Variants in DBF4B observed in about 807,000 individuals in gnomAD.
DBF4B encodes DBF4B-CDC7 kinase regulatory subunit, also known as protein DBF4 homolog B.
In DBF4B, 49 loss-of-function variants were observed where a neutral mutation model predicts 53.4. The observed-to-expected ratio is 0.92, with a 90% CI of 0.73 to 1.16. The LOEUF is 1.16. DBF4B is among the 50% of genes most tolerant of loss of function. DBF4B has a pLI of 0.00. For missense variants in DBF4B, 692 were observed against 775.0 expected (o/e 0.89, Z 1.27); for synonymous variants, 257 against 288.7 (o/e 0.89, Z 1.11).
chr17:44,709,581 A>G (rs1206817311), intron 2 of DBF4B, among the ~76,000 whole-genome samples: 1 of 152,120 alleles, frequency 6.6e-6, no homozygotes, highest in Non-Finnish European at 1.5e-5. Flanking sequence ...TAGGCCTCCC[A>G]AAATGCTGGG....
intron 13 of DBF4B, 86 bp from the exon 14 acceptor site, chr17:44,750,509 C>T: frequency 2.6e-6 from 4 of 1,510,028 alleles, no homozygotes; most frequent in Non-Finnish European, 1.8e-6. Flanking sequence ...AATTTTGGTT[C>T]AGGAAATGTA....
intron 13 of DBF4B, 108 bp downstream of exon 13, chr17:44,748,573 T>C: frequency 6.4e-7 from 1 of 1,555,864 alleles, no homozygotes; most frequent in Non-Finnish European, 8.7e-7. Context: ...CCTGGGGGTG[T>C]CAGTTGATGT....
chr17:44,729,320 G>C (rs1488761698), intron 3 of DBF4B, among the ~76,000 whole-genome samples: 1 of 149,592 alleles, frequency 6.7e-6, no homozygotes, highest in African/African-American at 2.5e-5. Context: ...TCCTGCCTCA[G>C]ACTCCCAAGT....
Position 44,751,572 on chromosome 17 carries a change from C to T in DBF4B, c.*319C>T. 1 of 1,338,100 alleles carries T rather than the reference C, an allele frequency of 7.5e-7. No individual in the cohort carries two copies. 82.9% of individuals were successfully genotyped at this position (1,338,100 alleles called of 1,614,324 possible). On this transcript the variant is annotated 3_prime_UTR_variant, in exon 14 of 14. Transcript: ENST00000315005. The stretch of plus-strand genomic sequence containing the variant: ...TTCCTTCTCAGACTTGCCACCTTTC[C>T]CCTCTGCCCCAAAATGCCATGCTCC...
At position 44,730,058 on chromosome 17, in the gene DBF4B, G is replaced by C. The variant is rs1249938175; in HGVS notation, c.379G>C (p.Gly127Arg). 5.6e-6 allele frequency: 9 copies of C among 1,612,776 alleles called. No homozygotes were observed. The highest frequency in any genetic ancestry group is 7.6e-6 in the Non-Finnish European group (9 of 1,180,032). ...VETSAMVDPKGSHPRPSRKPV... is the reference protein window; with the variant it reads ...VETSAMVDPKRSHPRPSRKPV... Reference sequence around the variant, plus strand: ...AACATCGGCCATGGTTGATCCAAAAGGCAGCCACCCCAGGCCTTCACGGAA... The same window carrying C: ...AACATCGGCCATGGTTGATCCAAAACGCAGCCACCCCAGGCCTTCACGGAA... Residue 127 changes from glycine to arginine, a missense_variant, in exon 4 of 14, where the codon GGC becomes CGC. By Grantham distance (125) the Gly-to-Arg change is moderately radical. This residue lies in a region of DBF4B where 597 missense variants were observed against 665.8 expected (regional missense o/e 0.90). Coordinates refer to ENST00000315005, the MANE Select transcript of DBF4B (RefSeq NM_145663.3).
chr17:44,743,771 G>A (rs1269435106), intron 10 of DBF4B, among the ~76,000 whole-genome samples: 1 of 151,790 alleles, frequency 6.6e-6, no homozygotes, highest in Admixed American at 6.6e-5. Flanking sequence ...CACCTCGCCC[G>A]GCTAATTGTT....
At position 44,730,100 on chromosome 17, in the gene DBF4B, AGAACCTCATGTAG is replaced by A. The variant is rs1568178270; in HGVS notation, c.417+8_417+20del. The stretch of plus-strand genomic sequence containing the variant: ...TTCACGGAAACCCGTTGACTCGGTA[AGAACCTCATGTAG>A]GAAAGGTATGCTGTGTAAACAAAGG... On this transcript the variant is annotated splice_donor_5th_base_variant and intron_variant, in intron 4 of 13. Coordinates refer to ENST00000315005, the MANE Select transcript of DBF4B (RefSeq NM_145663.3). The A allele has an allele frequency of 6.2e-7, 1 of 1,612,204 alleles. No homozygotes were observed. The highest frequency in any genetic ancestry group is 8.5e-7 in the Non-Finnish European group (1 of 1,179,904).
At chr17:44,723,598 A>T (rs1974041872) in intron 3 of DBF4B, among the ~76,000 whole-genome samples, 1 of 151,978 alleles carries the variant, frequency 6.6e-6, no homozygotes, top group Admixed American at 6.6e-5. Context: ...TCTCTACTAA[A>T]AATAATGAAA....
chr17:44,747,335 G>A, intron 11 of DBF4B, 56 bp from the exon 12 acceptor site: 1 of 1,607,974 alleles, frequency 6.2e-7, no homozygotes, highest in South Asian at 1.1e-5. Flanking sequence ...CAGCTTCCGT[G>A]TCCCCCTCCC....
chr17:44,722,740 T>G, intron 2 of DBF4B, 140 bp from the exon 3 acceptor site: 1 of 893,248 alleles, frequency 1.1e-6, no homozygotes, highest in Non-Finnish European at 1.7e-6. Flanking sequence ...GGTAAGGGCA[T>G]TGGCTTCACA....
intron 10 of DBF4B, among the ~76,000 whole-genome samples, chr17:44,746,075 A>G (rs1345287138): frequency 1.4e-5 from 2 of 139,224 alleles, no homozygotes; most frequent in Non-Finnish European, 3.2e-5. Context: ...AAAAAAAAAG[A>G]AAGAAAATTA....
At chr17:44,720,036 G>T in intron 2 of DBF4B, 1 of 236,092 alleles carries the variant, frequency 4.2e-6, no homozygotes, top group South Asian at 7.3e-5. Flanking sequence ...AGGTAGCAAT[G>T]ACAAATTTCT....
In DBF4B at chr17:44,708,845, G is replaced by C. The variant is rs61749923; in HGVS notation, c.19+6G>C. 239,177 of 1,549,806 alleles carry C rather than the reference G, an allele frequency of 0.15. 19,588 individuals are homozygous for C. Among genetic ancestry groups the C allele is most frequent in the South Asian group, 0.27 (22,513 of 83,684 alleles). On this transcript the variant is annotated splice_donor_region_variant and intron_variant, in intron 1 of 13. Coordinates refer to ENST00000315005, the MANE Select transcript of DBF4B (RefSeq NM_145663.3). ...GATGAGCGAACCGGGAAAGGGTACG[G>C]ATGCCGGGAAGGGGAGAAAGAAAGG...
At chr17:44,736,393 C>T (rs1168713343) in intron 7 of DBF4B, among the ~76,000 whole-genome samples, 1 of 152,186 alleles carries the variant, frequency 6.6e-6, no homozygotes, top group Non-Finnish European at 1.5e-5. Context: ...TGGCTATCGT[C>T]TTTATCCTAG....
At position 44,730,017 on chromosome 17, in the gene DBF4B, G is replaced by A; in HGVS notation, c.338G>A (p.Ser113Asn). The change falls in exon 4 of 14, where the codon AGT becomes AAT. Residue 113 changes from serine to asparagine, a missense_variant. Around this residue, in one of 3 missense-constraint regions of DBF4B, gnomAD observed 597 missense variants for 665.8 expected, o/e 0.90. Transcript: ENST00000315005. ...AGAGGCTGCCCTAGCCCTAGCCCCA[G>A]TGAGGTCAGAGTGGAAACATCGGCC... Reference protein sequence around the residue: ...SHRGCPSPSPSEVRVETSAMV... With the variant: ...SHRGCPSPSPNEVRVETSAMV... The A allele has an allele frequency of 6.2e-7, 1 of 1,613,730 alleles. No individual in the cohort carries two copies. The highest frequency in any genetic ancestry group is 8.5e-7 in the Non-Finnish European group (1 of 1,180,046).
rs1014654252 is a variant in DBF4B at position 44,749,687 on chromosome 17, C to T, written c.1190-908C>T. ...GGCCGCCCACGCCAGGAGGCAGAGG[C>T]GAAGTTGGCATGGGGAGGGACCACA... On this transcript the variant is annotated intron_variant, in intron 13 of 13. Coordinates refer to ENST00000315005, the MANE Select transcript of DBF4B (RefSeq NM_145663.3). This position sits in a 1 kb window ranked among gnomAD's most constrained non-coding sequence, Gnocchi z 4.4. The T allele has an allele frequency of 1.3e-4, 151 of 1,162,192 alleles. 2 individuals are homozygous for T. In the Admixed American group the frequency reaches 1.3e-3, roughly 10 times the overall value. 72.0% of individuals were successfully genotyped at this position (1,162,192 alleles called of 1,614,324 possible). A position where few individuals can be genotyped will look rare whatever the true frequency, so the allele number is the denominator to read the frequency against.
At chr17:44,736,714 C>A in intron 7 of DBF4B, 116 bp from the exon 8 acceptor site, 1 of 1,129,606 alleles carries the variant, frequency 8.9e-7, no homozygotes, top group Non-Finnish European at 1.3e-6. Context: ...TTCTGCAGGC[C>A]TCTCAACAGC....
At chr17:44,711,789 A>G (rs1022082064) in intron 2 of DBF4B, among the ~76,000 whole-genome samples, 48 of 152,120 alleles carry the variant, frequency 3.2e-4, no homozygotes, top group Admixed American at 9.2e-4. Flanking sequence ...ACAAAAAATT[A>G]GCCGGGCGTG....
Position 44,751,601 on chromosome 17 carries a change from C to A in DBF4B, c.*348C>A. ...CTGCCCCAAAATGCCATGCTCCTCT[C>A]CTGGAAAACACTTGAGTTGATTCAG... On this transcript the variant is annotated 3_prime_UTR_variant, in exon 14 of 14. Coordinates refer to ENST00000315005, the MANE Select transcript of DBF4B (RefSeq NM_145663.3). The A allele has an allele frequency of 7.4e-7, 1 of 1,354,878 alleles. No individual in the cohort carries two copies. The highest frequency in any genetic ancestry group is 9.5e-7 in the Non-Finnish European group (1 of 1,053,920). 83.9% of individuals were successfully genotyped at this position (1,354,878 alleles called of 1,614,324 possible). A position where few individuals can be genotyped will look rare whatever the true frequency, so the allele number is the denominator to read the frequency against.
Sources: allele counts gnomAD v4.1 joint callset (sites outside exome capture counted in the v4.1 genomes callset), GRCh38; gene constraint gnomAD v4.1.1; regional missense constraint gnomAD v4.1.1; non-coding constraint Gnocchi (gnomAD v3.1); transcripts MANE v1.5; gene names NCBI Gene and HGNC (gene_info 2026-07-23, HGNC 2026-07-21).